The following FAM169A variants were observed in gnomAD, a reference collection of about 807,000 sequenced individuals.
FAM169A encodes the protein family with sequence similarity 169 member A.
In FAM169A, 24 loss-of-function variants were observed where a neutral mutation model predicts 75.7. The observed-to-expected ratio is 0.32, with a 90% CI of 0.23 to 0.45. The LOEUF (loss-of-function observed/expected upper bound fraction) is 0.45. FAM169A is among the 20% of genes least tolerant of loss of function. The pLI is 1.00. For synonymous variants in FAM169A, 271 were observed against 271.0 expected (o/e 1.00, Z 0.00); for missense variants, 673 against 784.0 (o/e 0.86, Z 1.69).
At chr5:74,783,875 C>G (rs1745534832) in intron 11 of FAM169A, among the ~76,000 whole-genome samples, 1 of 152,058 alleles carries the variant, frequency 6.6e-6, no homozygotes, top group Admixed American at 6.5e-5. Context: ...AAAACTGATG[C>G]ATTCAAGTGT....
intron 11 of FAM169A, 135 bp downstream of exon 11, chr5:74,795,895 T>C: frequency 2.6e-6 from 2 of 780,246 alleles, no homozygotes; most frequent in Non-Finnish European, 3.9e-6. Flanking sequence ...CCTTGCTTAA[T>C]ATATATGATT....
Position 74,781,437 on chromosome 5 carries a change from T to C in FAM169A, c.*23A>G, listed in dbSNP as rs1398576140. The C allele has an allele frequency of 6.3e-7, 1 of 1,590,342 alleles. No homozygotes were observed. The highest frequency in any genetic ancestry group is 8.6e-7 in the Non-Finnish European group (1 of 1,162,688). On this transcript the variant is annotated 3_prime_UTR_variant, in exon 13 of 13. Coordinates refer to ENST00000687041, the MANE Select transcript of FAM169A (RefSeq NM_001376049.1). Reference sequence around the variant, plus strand: ...ACAACTATGTTACAAAGAAGAGGATTTATCATCCACTTTCTTCTTCCTTCA... The same window carrying C: ...ACAACTATGTTACAAAGAAGAGGATCTATCATCCACTTTCTTCTTCCTTCA...
intron 1 of FAM169A, among the ~76,000 whole-genome samples, chr5:74,853,701 A>AT (rs34017579): frequency 0.034 from 3,789 of 110,122 alleles, 89 homozygotes; most frequent in Non-Finnish European, 0.039. Flanking sequence ...CATCTTCAGA[A>AT]TTTTTTTTTT....
At chr5:74,827,643 C>A (rs571335187) in intron 5 of FAM169A, among the ~76,000 whole-genome samples, 151 of 150,814 alleles carry the variant, frequency 1.0e-3, no homozygotes, top group Non-Finnish European at 1.3e-3. Context: ...TTAAATACAA[C>A]TGTTAATGAA....
At chr5:74,800,835 T>TA in intron 10 of FAM169A, 45 bp downstream of exon 10, 1 of 1,126,504 alleles carries the variant, frequency 8.9e-7, no homozygotes, top group Non-Finnish European at 1.2e-6. Flanking sequence ...AAACAAAAAA[T>TA]AAAAGTACAA....
chr5:74,829,363 T>C (rs1002482163), intron 5 of FAM169A, among the ~76,000 whole-genome samples: 1 of 152,232 alleles, frequency 6.6e-6, no homozygotes, highest in East Asian at 1.9e-4. Context: ...ATTTAGCATC[T>C]ATGGTTTCTT....
chr5:74,812,431 C>A (rs1037322778), intron 6 of FAM169A, among the ~76,000 whole-genome samples: 1 of 151,560 alleles, frequency 6.6e-6, no homozygotes, highest in African/African-American at 2.4e-5. Flanking sequence ...CCAGCCAATG[C>A]CTTACTTTTT....
chr5:74,781,286 A>G lies in FAM169A; in HGVS notation c.*174T>C. On this transcript the variant is annotated 3_prime_UTR_variant, in exon 13 of 13. Coordinates refer to ENST00000687041, the MANE Select transcript of FAM169A (RefSeq NM_001376049.1). ...ACCAAAAATAGCCTGGAAAATTAAAAACAATGGTGAATTCTACGTTCTAAA... is the reference window on the plus strand; with the variant it reads ...ACCAAAAATAGCCTGGAAAATTAAAGACAATGGTGAATTCTACGTTCTAAA... 1 of 520,562 alleles carries G rather than the reference A, an allele frequency of 1.9e-6. No homozygotes were observed. Among genetic ancestry groups the G allele is most frequent in the Non-Finnish European group, 3.3e-6 (1 of 301,848 alleles). The allele number at this position is 520,562 out of a possible 1,614,324, so 32.2% of individuals were successfully genotyped here.
chr5:74,815,829 G>A (rs374659767), intron 5 of FAM169A, among the ~76,000 whole-genome samples: 18 of 152,280 alleles, frequency 1.2e-4, no homozygotes, highest in Admixed American at 2.6e-4. Context: ...CATTAGCACC[G>A]TGACAGTTTC....
At chr5:74,814,978 A>G (rs1188857938) in intron 5 of FAM169A, among the ~76,000 whole-genome samples, 8 of 152,196 alleles carry the variant, frequency 5.3e-5, no homozygotes, top group South Asian at 2.1e-4. Context: ...ACAAAATGTC[A>G]AACATCTCAC....
intron 10 of FAM169A, among the ~76,000 whole-genome samples, chr5:74,798,056 G>C (rs1028775848): frequency 2.0e-5 from 3 of 152,188 alleles, no homozygotes; most frequent in African/African-American, 7.2e-5. Context: ...TCCCAGCTCT[G>C]CTTGTTGAGT....
chr5:74,786,844 G>A (rs188945173), intron 11 of FAM169A, among the ~76,000 whole-genome samples: 72 of 152,290 alleles, frequency 4.7e-4, no homozygotes, highest in Non-Finnish European at 7.9e-4. Flanking sequence ...TTAAAGTGAG[G>A]GCCCTGATTG....
rs1438127829 is a variant in FAM169A at position 74,781,857 on chromosome 5, G to T, written c.1616C>A (p.Ser539Tyr). Residue 539 changes from serine to tyrosine, a missense_variant, in exon 13 of 13, where the codon TCT becomes TAT. By Grantham distance (144) the Ser-to-Tyr change is moderately radical. Coordinates refer to ENST00000687041, the MANE Select transcript of FAM169A (RefSeq NM_001376049.1). ...CACAGAGTTTGGAAAACCACCATCAGATCGTTCTTCATTTGACATAGTAGC... is the reference window on the plus strand; with the variant it reads ...CACAGAGTTTGGAAAACCACCATCATATCGTTCTTCATTTGACATAGTAGC... ...NVATMSNEER[S>Y]DGGFPNSVIA... 8 of 1,613,974 alleles carry T rather than the reference G, an allele frequency of 5.0e-6. No homozygotes were observed. The highest frequency in any genetic ancestry group is 2.7e-5 in the African/African-American group (2 of 74,922).
rs1750333498 is a variant in FAM169A at position 74,866,200 on chromosome 5, G to A, written c.-39C>T. On this transcript the variant is annotated 5_prime_UTR_variant, in exon 1 of 13. Coordinates refer to ENST00000687041, the MANE Select transcript of FAM169A (RefSeq NM_001376049.1). ...CCCCGGGAGCCGCTGGAAGAGCCCG[G>A]GAAAGGAGGCGGAGCCGCGCGAATG... 1.0e-6 allele frequency: 1 copy of A among 984,254 alleles called. No individual in the cohort carries two copies. Among genetic ancestry groups the A allele is most frequent in the African/African-American group, 1.8e-5 (1 of 57,130 alleles). The allele number at this position is 984,254 out of a possible 1,614,324, so 61.0% of individuals were successfully genotyped here.
chr5:74,787,794 G>C (rs180764720), intron 11 of FAM169A, among the ~76,000 whole-genome samples: 3 of 152,168 alleles, frequency 2.0e-5, no homozygotes, highest in East Asian at 3.9e-4. Context: ...CCCAGAAGTG[G>C]AATTGATAGG....
At chr5:74,793,800 A>G (rs1301916049) in intron 11 of FAM169A, among the ~76,000 whole-genome samples, 2 of 151,820 alleles carry the variant, frequency 1.3e-5, no homozygotes, top group African/African-American at 4.8e-5. Flanking sequence ...TCAGGAGATC[A>G]AGACAATACT....
chr5:74,816,209 G>A (rs955842519), intron 5 of FAM169A, among the ~76,000 whole-genome samples: 5 of 152,180 alleles, frequency 3.3e-5, no homozygotes, highest in Non-Finnish European at 7.3e-5. Flanking sequence ...ATAAGTAGTG[G>A]TAGTCAAGTT....
At chr5:74,804,022 C>T (rs1746724677) in intron 8 of FAM169A, among the ~76,000 whole-genome samples, 1 of 152,034 alleles carries the variant, frequency 6.6e-6, no homozygotes, top group Non-Finnish European at 1.5e-5. Context: ...GAATAGTGTG[C>T]TGCTATGTAA....
chr5:74,799,236 GA>G, intron 10 of FAM169A: 1 of 1,446,530 alleles, frequency 6.9e-7, no homozygotes, highest in Non-Finnish European at 9.7e-7. Context: ...TCTGGAGTCA[GA>G]AAGATGGTGT....
Sources: gnomAD v4.1 joint callset for allele counts (sites outside exome capture counted in the v4.1 genomes callset) on GRCh38, gnomAD v4.1.1 for gene constraint, MANE v1.5 for transcripts, NCBI Gene and HGNC (gene_info 2026-07-23, HGNC 2026-07-21) for gene names.